ALCAM: variants seen among roughly 807,000 people sequenced by gnomAD.
The protein encoded by ALCAM is CD166 antigen.
A neutral mutation model predicts 70.9 loss-of-function variants in ALCAM; 30 were observed. That is an observed-to-expected ratio of 0.42 (90% CI 0.32 to 0.57). The LOEUF (loss-of-function observed/expected upper bound fraction) is 0.57. ALCAM is among the 20% of genes least tolerant of loss of function. The pLI is 0.11. For synonymous variants in ALCAM, 249 were observed against 242.5 expected, an observed-to-expected ratio of 1.03 and a Z score of -0.25; for missense variants, 591 against 695.1, an observed-to-expected ratio of 0.85 and a Z score of 1.68.
At chr3:105,528,100 C>T (rs936356245) in intron 3 of ALCAM, among the ~76,000 whole-genome samples, 37 of 152,232 alleles carry the variant, frequency 2.4e-4, no homozygotes, top group Non-Finnish European at 4.4e-4. Context: ...TCAACACGAC[C>T]ATTTGCATCT....
intron 6 of ALCAM, among the ~76,000 whole-genome samples, chr3:105,536,421 A>G (rs1939972377): frequency 1.3e-5 from 2 of 152,120 alleles, no homozygotes; most frequent in African/African-American, 4.8e-5. Flanking sequence ...GAAATATTCA[A>G]TTGGAAATAA....
chr3:105,526,182 T>A (rs947421040), intron 3 of ALCAM, among the ~76,000 whole-genome samples: 1 of 152,000 alleles, frequency 6.6e-6, no homozygotes, highest in Non-Finnish European at 1.5e-5. Context: ...ATTTTTAAGG[T>A]GTTAAAATTT....
chr3:105,448,879 G>A (rs1257817874), intron 1 of ALCAM, among the ~76,000 whole-genome samples: 2 of 152,162 alleles, frequency 1.3e-5, no homozygotes, highest in East Asian at 3.8e-4. Context: ...TGTGGCAACT[G>A]GATTCTGCCC....
chr3:105,459,942 G>T (rs747319591), intron 1 of ALCAM, among the ~76,000 whole-genome samples: 1 of 151,868 alleles, frequency 6.6e-6, no homozygotes, highest in African/African-American at 2.4e-5. Context: ...TGCAGTAGAA[G>T]TACCATAGAA....
At chr3:105,500,859 C>T (rs1474561135) in intron 1 of ALCAM, among the ~76,000 whole-genome samples, 1 of 152,172 alleles carries the variant, frequency 6.6e-6, no homozygotes, top group Admixed American at 6.5e-5. Flanking sequence ...ATATTTCCTA[C>T]AGCTGGAGTC....
chr3:105,556,891 C>A (rs768786970), intron 14 of ALCAM, among the ~76,000 whole-genome samples: 1 of 151,920 alleles, frequency 6.6e-6, no homozygotes, highest in East Asian at 1.9e-4. Context: ...GCATGAGAAC[C>A]TACCGTTTTT....
intron 1 of ALCAM, among the ~76,000 whole-genome samples, chr3:105,370,220 A>G (rs1359858819): frequency 6.6e-6 from 1 of 152,200 alleles, no homozygotes; most frequent in Non-Finnish European, 1.5e-5. Flanking sequence ...AACTCAAATA[A>G]TGTCCTTTCA....
chr3:105,548,715 A>G (rs1940314200), intron 11 of ALCAM, among the ~76,000 whole-genome samples: 1 of 151,490 alleles, frequency 6.6e-6, no homozygotes, highest in Non-Finnish European at 1.5e-5. Context: ...AAGAAAGCAT[A>G]TAAGAGGAGG....
At chr3:105,449,612 AC>A (rs2152590043) in intron 1 of ALCAM, among the ~76,000 whole-genome samples, 1 of 152,350 alleles carries the variant, frequency 6.6e-6, no homozygotes, top group Non-Finnish European at 1.5e-5. Flanking sequence ...AATCTGTTGC[AC>A]TACCACCCTA....
At chr3:105,399,663 G>A (rs1299835948) in intron 1 of ALCAM, among the ~76,000 whole-genome samples, 3 of 152,038 alleles carry the variant, frequency 2.0e-5, no homozygotes, top group Non-Finnish European at 4.4e-5. Flanking sequence ...TCTCTTAATG[G>A]TTTAATGTTA....
chr3:105,527,906 T>C (rs1315523823), intron 3 of ALCAM, among the ~76,000 whole-genome samples: 3 of 148,078 alleles, frequency 2.0e-5, no homozygotes, highest in African/African-American at 7.4e-5. Context: ...AAAGTAAAAT[T>C]TTGGGGGGCA....
chr3:105,575,975 T>G lies in ALCAM; in HGVS notation c.*1524T>G, dbSNP rs1394625157. 2.6e-5 allele frequency: 4 copies of G among 152,310 alleles called. No homozygotes were observed. Among genetic ancestry groups the G allele is most frequent in the Middle Eastern group, 3.4e-3 (1 of 294 alleles). The allele number at this position is 152,310 out of a possible 1,614,324, so 9.4% of individuals were successfully genotyped here. A position where few individuals can be genotyped will look rare whatever the true frequency, so the allele number is the denominator to read the frequency against. ...GGAATAATACTTTGCCACTTCTGCA[T>G]TATTTAGAAACATACGTTATTGTAC... On this transcript the variant is annotated 3_prime_UTR_variant, in exon 16 of 16. Transcript: ENST00000306107.
chr3:105,454,778 C>G (rs1049929389), intron 1 of ALCAM, among the ~76,000 whole-genome samples: 4 of 141,272 alleles, frequency 2.8e-5, no homozygotes, highest in African/African-American at 1.1e-4. Flanking sequence ...AAGTGATTGT[C>G]GTGCCTCAGC....
intron 15 of ALCAM, among the ~76,000 whole-genome samples, chr3:105,572,431 G>C (rs750871873): frequency 1.3e-5 from 2 of 152,270 alleles, no homozygotes; most frequent in Non-Finnish European, 2.9e-5. Context: ...TTTTATGGCT[G>C]AATAGTATTC....
At chr3:105,455,477 T>G (rs1264490156) in intron 1 of ALCAM, among the ~76,000 whole-genome samples, 12 of 150,566 alleles carry the variant, frequency 8.0e-5, no homozygotes, top group Non-Finnish European at 1.6e-4. Context: ...AAAACTTTTA[T>G]TAGAGATAAT....
chr3:105,441,536 G>A (rs1937170211), intron 1 of ALCAM, among the ~76,000 whole-genome samples: 1 of 152,172 alleles, frequency 6.6e-6, no homozygotes, highest in African/African-American at 2.4e-5. Context: ...AACATATGGA[G>A]CTGTAAATCA....
intron 3 of ALCAM, among the ~76,000 whole-genome samples, chr3:105,529,450 T>G (rs1465819046): frequency 2.0e-5 from 3 of 152,144 alleles, no homozygotes; most frequent in Non-Finnish European, 2.9e-5. Context: ...TTTATGGTCC[T>G]CCAACTAATA....
At chr3:105,427,538 C>G (rs1936820862) in intron 1 of ALCAM, among the ~76,000 whole-genome samples, 1 of 151,862 alleles carries the variant, frequency 6.6e-6, no homozygotes, top group African/African-American at 2.4e-5. Flanking sequence ...AATCTGAAGA[C>G]AGGAAGCTCT....
chr3:105,380,830 C>T (rs546045982), intron 1 of ALCAM, among the ~76,000 whole-genome samples: 29 of 152,004 alleles, frequency 1.9e-4, no homozygotes, highest in African/African-American at 4.8e-4. Flanking sequence ...TCTGTCACGA[C>T]GGCCATACTG....
Sources: gnomAD v4.1 joint callset for allele counts (sites outside exome capture counted in the v4.1 genomes callset) on GRCh38, gnomAD v4.1.1 for gene constraint, MANE v1.5 for transcripts, NCBI Gene and HGNC (gene_info 2026-07-23, HGNC 2026-07-21) for gene names.